Variants in CAMTA1 observed in about 807,000 individuals in gnomAD.
The protein encoded by CAMTA1 is calmodulin-binding transcription activator 1.
In CAMTA1, 27 loss-of-function variants were observed where a neutral mutation model predicts 170.9. The observed-to-expected ratio is 0.16, with a 90% CI of 0.12 to 0.22. The LOEUF is 0.22. CAMTA1 is among the 10% of genes least tolerant of loss of function. The pLI, the probability that CAMTA1 is intolerant of heterozygous loss-of-function variation, is 1.00. For synonymous variants in CAMTA1, 833 were observed against 891.5 expected, an observed-to-expected ratio of 0.93 and a Z score of 1.17; for missense variants, 1,619 against 2,217.2, an observed-to-expected ratio of 0.73 and a Z score of 5.42.
At chr1:7,677,163 T>A (rs896059225) in intron 10 of CAMTA1, among the ~76,000 whole-genome samples, 7 of 152,104 alleles carry the variant, frequency 4.6e-5, no homozygotes, top group Non-Finnish European at 1.0e-4. Context: ...GACAAGCTTG[T>A]AGGAATAGGT....
chr1:7,199,461 C>G (rs1458340928), intron 4 of CAMTA1, among the ~76,000 whole-genome samples: 1 of 152,242 alleles, frequency 6.6e-6, no homozygotes, highest in Admixed American at 6.5e-5. Flanking sequence ...TTCCCAGACA[C>G]GGGCACCCGA....
intron 3 of CAMTA1, among the ~76,000 whole-genome samples, chr1:7,043,033 T>C (rs1704721854): frequency 6.6e-6 from 1 of 152,180 alleles, no homozygotes; most frequent in Admixed American, 6.5e-5. Flanking sequence ...TGCTGCAGTG[T>C]GCTCTGGGGC....
At chr1:7,157,499 A>G (rs1250171632) in intron 4 of CAMTA1, among the ~76,000 whole-genome samples, 2 of 152,130 alleles carry the variant, frequency 1.3e-5, no homozygotes, top group African/African-American at 2.4e-5. Flanking sequence ...AGAATGAGAT[A>G]TAACACACCC....
At chr1:7,156,650 C>T (rs1646903692) in intron 4 of CAMTA1, among the ~76,000 whole-genome samples, 1 of 152,224 alleles carries the variant, frequency 6.6e-6, no homozygotes, top group South Asian at 2.1e-4. Flanking sequence ...CCTGATTGAG[C>T]ATTCTTCATA....
At chr1:6,928,201 G>C (rs1489471421) in intron 3 of CAMTA1, among the ~76,000 whole-genome samples, 12 of 152,222 alleles carry the variant, frequency 7.9e-5, no homozygotes, top group Non-Finnish European at 1.5e-4. Flanking sequence ...GCGCTTTCAA[G>C]TCTGTGGCCA....
Position 7,744,897 on chromosome 1 carries a change from G to C in CAMTA1, c.4245G>C (p.Glu1415Asp), listed in dbSNP as rs773861339. 7 of 1,614,118 alleles carry C rather than the reference G, an allele frequency of 4.3e-6. No homozygotes were observed. The Admixed American group carries it at 6.7e-5, about 15-fold the overall frequency. Reference protein sequence around the residue: ...IEATPDRIKQENFVPMESSGL... With the variant: ...IEATPDRIKQDNFVPMESSGL... Reference sequence around the variant, plus strand: ...CCACACCTGACCGAATCAAGCAGGAGAATTTTGTGCCCATGGAGTCCTCAG... The same window carrying C: ...CCACACCTGACCGAATCAAGCAGGACAATTTTGTGCCCATGGAGTCCTCAG... The change falls in exon 17 of 23, where the codon GAG becomes GAC. Residue 1415 changes from glutamate (E) to aspartate (D), a missense_variant. Coordinates refer to ENST00000303635, the MANE Select transcript of CAMTA1 (RefSeq NM_015215.4).
At position 6,914,812 on chromosome 1, in the gene CAMTA1, G is replaced by GT. The variant is rs1300158229; in HGVS notation, c.234+89609dup. Among the ~76,000 whole-genome samples, 17 of 152,286 alleles carry GT rather than the reference G, an allele frequency of 1.1e-4. No homozygotes were observed. In the South Asian group the frequency reaches 1.7e-3, roughly 15 times the overall value. ...TGCAGACTCTGGGATGTTACTCTGCGTTTTTTTCTCCTCTCCCCAGAAACA... is the reference window on the plus strand; with the variant it reads ...TGCAGACTCTGGGATGTTACTCTGCGTTTTTTTTCTCCTCTCCCCAGAAACA... On this transcript the variant is annotated intron_variant, in intron 3 of 22. Transcript: ENST00000303635.
intron 6 of CAMTA1, among the ~76,000 whole-genome samples, chr1:7,525,259 G>A (rs1401942262): frequency 6.6e-6 from 1 of 151,796 alleles, no homozygotes; most frequent in Non-Finnish European, 1.5e-5. Flanking sequence ...GAGCAGTGTG[G>A]TGGTCCTCAG....
Position 7,674,576 on chromosome 1 carries a change from C to G in CAMTA1, c.2780-3023C>G, listed in dbSNP as rs555537376. Reference sequence around the variant, plus strand: ...GGCGGATCACTTGAAGTCAGGAGTTCGAGACCAGCCTGACCGACATGGTGA... The same window carrying G: ...GGCGGATCACTTGAAGTCAGGAGTTGGAGACCAGCCTGACCGACATGGTGA... On this transcript the variant is annotated intron_variant, in intron 10 of 22. Coordinates refer to ENST00000303635, the MANE Select transcript of CAMTA1 (RefSeq NM_015215.4). This position sits in a 1 kb window ranked among gnomAD's most constrained non-coding sequence, Gnocchi z 4.1. 6.6e-6 allele frequency among the ~76,000 whole-genome samples: 1 copy of G among 152,040 alleles called. No homozygotes were observed. The highest frequency in any genetic ancestry group is 1.5e-5 in the Non-Finnish European group (1 of 67,988).
At chr1:7,407,624 C>T (rs1337530204) in intron 5 of CAMTA1, among the ~76,000 whole-genome samples, 1 of 152,154 alleles carries the variant, frequency 6.6e-6, no homozygotes, top group African/African-American at 2.4e-5. Context: ...GGTCTCTAGG[C>T]CCCTCTGGCT....
rs761669503 is a variant in CAMTA1, at chr1:7,737,027, G to A, written c.3342+18G>A. ...CTCCTCTGGTAAGGAATGGATTCCT[G>A]TAGCCCCCCCTTGCTGTTCTTCCAG... On this transcript the variant is annotated intron_variant, in intron 14 of 22. Coordinates refer to ENST00000303635, the MANE Select transcript of CAMTA1 (RefSeq NM_015215.4). The A allele has an allele frequency of 3.8e-6, 6 of 1,580,136 alleles. No homozygotes were observed. The African/African-American group carries it at 5.4e-5, about 14-fold the overall frequency.
chr1:6,798,966 G>A (rs994264261), intron 1 of CAMTA1, among the ~76,000 whole-genome samples: 2 of 152,178 alleles, frequency 1.3e-5, no homozygotes, highest in Admixed American at 1.3e-4. Context: ...TAGCTGTGAA[G>A]GCTTTGCACT....
At chr1:7,153,182 A>G (rs765692491) in intron 4 of CAMTA1, among the ~76,000 whole-genome samples, 7 of 152,194 alleles carry the variant, frequency 4.6e-5, no homozygotes, top group Non-Finnish European at 7.3e-5. Context: ...AGTGTTTGGA[A>G]TGCAAAAAAA....
chr1:7,026,111 C>T (rs1470157991), intron 3 of CAMTA1, among the ~76,000 whole-genome samples: 1 of 150,596 alleles, frequency 6.6e-6, no homozygotes, highest in Non-Finnish European at 1.5e-5. Context: ...CAGAGCGAGA[C>T]CCTGCCTTAA....
chr1:7,605,613 C>T (rs1295341254), intron 6 of CAMTA1, among the ~76,000 whole-genome samples: 1 of 152,194 alleles, frequency 6.6e-6, no homozygotes, highest in Admixed American at 6.5e-5. Context: ...AAGGGAATTC[C>T]CTGACCCTTT....
intron 5 of CAMTA1, among the ~76,000 whole-genome samples, chr1:7,444,806 A>G (rs1276799648): frequency 1.3e-5 from 2 of 152,202 alleles, no homozygotes; most frequent in African/African-American, 4.8e-5. Flanking sequence ...CCCTCTAAAA[A>G]CAAAGAAAAC....
At chr1:7,416,802 A>G (rs1164855808) in intron 5 of CAMTA1, among the ~76,000 whole-genome samples, 1 of 152,156 alleles carries the variant, frequency 6.6e-6, no homozygotes, top group African/African-American at 2.4e-5. Flanking sequence ...ATTGCTGATG[A>G]GTAACTATGT....
At chr1:7,537,282 C>T (rs1389725326) in intron 6 of CAMTA1, among the ~76,000 whole-genome samples, 3 of 152,212 alleles carry the variant, frequency 2.0e-5, no homozygotes, top group Non-Finnish European at 4.4e-5. Flanking sequence ...CCGTCGGCAG[C>T]CAGTCCAAGC....
rs540310362 is a variant in CAMTA1 at position 6,842,750 on chromosome 1, C to T, written c.234+17540C>T. Among the ~76,000 whole-genome samples, 227 of 152,160 alleles carry T rather than the reference C, an allele frequency of 1.5e-3. 3 individuals carry two copies. The highest frequency in any genetic ancestry group is 5.2e-3 in the African/African-American group (217 of 41,522). On this transcript the variant is annotated intron_variant, in intron 3 of 22. Coordinates refer to ENST00000303635, the MANE Select transcript of CAMTA1 (RefSeq NM_015215.4). Reference sequence around the variant, plus strand: ...CAGCCTGGCCAACATGGTGAAACCACGTCTCTATTAAAAATACAAGAAAAT... The same window carrying T: ...CAGCCTGGCCAACATGGTGAAACCATGTCTCTATTAAAAATACAAGAAAAT...
Sources: allele counts gnomAD v4.1 joint callset (sites outside exome capture counted in the v4.1 genomes callset), GRCh38; gene constraint gnomAD v4.1.1; non-coding constraint Gnocchi (gnomAD v3.1); transcripts MANE v1.5; gene names NCBI Gene and HGNC (gene_info 2026-07-23, HGNC 2026-07-21).